The following CDKAL1 variants were observed in gnomAD, a reference collection of about 807,000 sequenced individuals.
The protein encoded by CDKAL1 is CDKAL1 threonylcarbamoyladenosine tRNA methylthiotransferase.
Under a neutral mutation model 68.2 loss-of-function variants are expected in CDKAL1, and 32 were observed. The ratio of observed to expected loss-of-function variants is 0.47; its 90% CI spans 0.35 to 0.63. The LOEUF is 0.63. Among genes scored for constraint, CDKAL1 ranks in the 30% least tolerant of loss-of-function variants. The probability of loss-of-function intolerance (pLI) is 0.00; values close to 1 mark genes in which losing one functional copy is unlikely to be tolerated. For synonymous variants in CDKAL1, 234 were observed against 244.3 expected (o/e 0.96, Z 0.39); for missense variants, 606 against 696.7 (o/e 0.87, Z 1.47).
At chr6:21,220,458 C>A (rs946705715) in intron 15 of CDKAL1, among the ~76,000 whole-genome samples, 2 of 152,124 alleles carry the variant, frequency 1.3e-5, no homozygotes, top group East Asian at 3.9e-4. Context: ...AGCTAAGGTG[C>A]CAGATCTCTG....
intron 4 of CDKAL1, among the ~76,000 whole-genome samples, chr6:20,553,294 A>G (rs1430117042): frequency 4.6e-5 from 7 of 152,060 alleles, no homozygotes; most frequent in East Asian, 1.9e-4. Flanking sequence ...AGATCACCTG[A>G]GATCAGGAGT....
intron 7 of CDKAL1, among the ~76,000 whole-genome samples, chr6:20,770,691 C>T (rs979763592): frequency 1.2e-4 from 18 of 152,056 alleles, no homozygotes; most frequent in African/African-American, 4.3e-4. Flanking sequence ...TTTTTGAAGG[C>T]GTGGTCTTTC....
intron 15 of CDKAL1, among the ~76,000 whole-genome samples, chr6:21,203,870 G>C (rs1730662937): frequency 6.6e-6 from 1 of 151,798 alleles, no homozygotes; most frequent in African/African-American, 2.4e-5. Context: ...CTAATCACTT[G>C]ACCTCTTTTG....
chr6:20,715,830 G>T (rs1772066041), intron 5 of CDKAL1, among the ~76,000 whole-genome samples: 1 of 152,098 alleles, frequency 6.6e-6, no homozygotes, highest in Non-Finnish European at 1.5e-5. Context: ...TAGGTTGCAT[G>T]TATTGCTTTA....
intron 5 of CDKAL1, among the ~76,000 whole-genome samples, chr6:20,708,411 A>G (rs771428835): frequency 1.3e-5 from 2 of 152,132 alleles, no homozygotes; most frequent in African/African-American, 2.4e-5. Context: ...ATCCTTTTCT[A>G]TGTGGTGATT....
intron 4 of CDKAL1, among the ~76,000 whole-genome samples, chr6:20,643,915 C>A (rs965569450): frequency 5.9e-5 from 9 of 152,062 alleles, no homozygotes; most frequent in African/African-American, 2.2e-4. Flanking sequence ...ACCTCTGCCT[C>A]CTGGGATCAA....
intron 13 of CDKAL1, among the ~76,000 whole-genome samples, chr6:21,161,297 T>C (rs1481172403): frequency 6.6e-6 from 1 of 152,186 alleles, no homozygotes; most frequent in Non-Finnish European, 1.5e-5. Flanking sequence ...GATTGCTGTA[T>C]TTTTCAATAC....
intron 4 of CDKAL1, among the ~76,000 whole-genome samples, chr6:20,624,699 A>G (rs1322432700): frequency 6.6e-6 from 1 of 152,096 alleles, no homozygotes; most frequent in Admixed American, 6.6e-5. Flanking sequence ...TGTGGCATGA[A>G]CATTGAGAAG....
Position 21,213,736 on chromosome 6 carries a change from C to T in CDKAL1, c.1548+12462C>T, listed in dbSNP as rs760432556. ...TCTGAAAATGAAACAATCTGCCTAACGAGTCTCCCTGTTTCTACCCTGAAT... is the reference window on the plus strand; with the variant it reads ...TCTGAAAATGAAACAATCTGCCTAATGAGTCTCCCTGTTTCTACCCTGAAT... On this transcript the variant is annotated intron_variant, in intron 15 of 15. Transcript: ENST00000274695. Among the ~76,000 whole-genome samples, 4 of 152,294 alleles carry T rather than the reference C, an allele frequency of 2.6e-5. No homozygotes were observed. In the South Asian group the frequency reaches 6.2e-4, roughly 24 times the overall value.
intron 11 of CDKAL1, among the ~76,000 whole-genome samples, chr6:21,004,364 G>A (rs1027835003): frequency 2.0e-5 from 3 of 152,138 alleles, no homozygotes; most frequent in African/African-American, 7.2e-5. Flanking sequence ...AACAGCAGCT[G>A]GATACAAGAT....
intron 4 of CDKAL1, among the ~76,000 whole-genome samples, chr6:20,575,933 T>C (rs961258664): frequency 3.3e-5 from 5 of 152,096 alleles, no homozygotes; most frequent in Non-Finnish European, 5.9e-5. Flanking sequence ...TCTCAAATGC[T>C]AAGAGGAGGA....
At chr6:20,727,822 T>C (rs1186133307) in intron 5 of CDKAL1, among the ~76,000 whole-genome samples, 1 of 152,206 alleles carries the variant, frequency 6.6e-6, no homozygotes, top group Non-Finnish European at 1.5e-5. Context: ...TTGAGGTGAC[T>C]GATAATACTA....
Position 20,781,192 on chromosome 6 carries a change from C to T in CDKAL1, c.565C>T (p.Leu189Phe). The change falls in exon 8 of 16, where the codon CTT becomes TTT. Residue 189 changes from leucine to phenylalanine, a missense_variant. Physicochemically the swap from Leu to Phe is conservative, Grantham distance 22. Coordinates refer to ENST00000274695, the MANE Select transcript of CDKAL1 (RefSeq NM_017774.3). ...TCAGAAAAAGGATAATGGAAGGCGG[C>T]TTGGGGGAGCACGATTGGATTTGCC... ...LGQKKDNGRRLGGARLDLPKI... is the reference protein window; with the variant it reads ...LGQKKDNGRRFGGARLDLPKI... 1.2e-6 allele frequency: 2 copies of T among 1,613,796 alleles called. No homozygotes were observed. Among genetic ancestry groups the T allele is most frequent in the South Asian group, 1.1e-5 (1 of 91,050 alleles).
At chr6:20,952,441 A>G (rs2150721428) in intron 9 of CDKAL1, among the ~76,000 whole-genome samples, 1 of 152,228 alleles carries the variant, frequency 6.6e-6, no homozygotes, top group East Asian at 1.9e-4. Context: ...CCCACCACCA[A>G]TAGGGATGGA....
At position 21,230,827 on chromosome 6, in the gene CDKAL1, CCT is replaced by C; in HGVS notation, c.1549-18_1549-17del. On this transcript the variant is annotated intron_variant, in intron 15 of 15. Coordinates refer to ENST00000274695, the MANE Select transcript of CDKAL1 (RefSeq NM_017774.3). ...TCTCTGCATCTAAAAATAATTTTTT[CCT>C]CTGTTTCTCTCTTTATAGGACTTCA... 1 of 1,549,430 alleles carries C rather than the reference CCT, an allele frequency of 6.5e-7. No homozygotes were observed. Among genetic ancestry groups the C allele is most frequent in the Non-Finnish European group, 8.8e-7 (1 of 1,142,548 alleles).
intron 12 of CDKAL1, among the ~76,000 whole-genome samples, chr6:21,106,966 G>T (rs1422659960): frequency 7.4e-6 from 1 of 134,290 alleles, no homozygotes; most frequent in Non-Finnish European, 1.6e-5. Flanking sequence ...TTTTGAGATG[G>T]AGTCTCGCTT....
intron 9 of CDKAL1, among the ~76,000 whole-genome samples, chr6:20,902,301 C>T (rs558118795): frequency 4.0e-4 from 57 of 143,022 alleles, no homozygotes; most frequent in Non-Finnish European, 7.9e-4. Context: ...AAAGAAATCA[C>T]GTGGTGGATT....
rs75808666 is a variant in CDKAL1, at chr6:21,184,681, T to C, written c.1300-13340T>C. On this transcript the variant is annotated intron_variant, in intron 13 of 15. Transcript: ENST00000274695. ...TAATTTATTTATTTGAGACAGGGTC[T>C]CACTCTGTTCCCAGGCTGGAGTACA... Among the ~76,000 whole-genome samples, 577 of 152,138 alleles carry C rather than the reference T, an allele frequency of 3.8e-3. 3 individuals carry two copies. Among genetic ancestry groups the C allele is most frequent in the African/African-American group, 0.013 (541 of 41,516 alleles).
At chr6:20,604,238 G>T (rs754752257) in intron 4 of CDKAL1, among the ~76,000 whole-genome samples, 25 of 152,138 alleles carry the variant, frequency 1.6e-4, no homozygotes, top group Non-Finnish European at 3.4e-4. Context: ...TATTGGCAGG[G>T]TTGGGAGCTC....
Sources: allele counts gnomAD v4.1 joint callset (sites outside exome capture counted in the v4.1 genomes callset), GRCh38; gene constraint gnomAD v4.1.1; transcripts MANE v1.5; gene names NCBI Gene and HGNC (gene_info 2026-07-23, HGNC 2026-07-21).